The following POPDC1 variants were observed in gnomAD, a reference collection of about 807,000 sequenced individuals.
POPDC1 encodes the protein popeye domain-containing protein 1.
chr6:105,103,595 T>C, the POPDC1 span, among the ~76,000 whole-genome samples: 5 of 152,322 alleles, frequency 3.3e-5, no homozygotes, highest in Non-Finnish European at 5.9e-5. Context: ...AACAATAAGA[T>C]GGCATGTCTA....
At chr6:105,127,595 G>A in the POPDC1 span, among the ~76,000 whole-genome samples, 5 of 151,326 alleles carry the variant, frequency 3.3e-5, no homozygotes, top group South Asian at 2.1e-4. Flanking sequence ...GTGTGCTACC[G>A]CATCCAGCTG....
At chr6:105,103,751 C>T in the POPDC1 span, among the ~76,000 whole-genome samples, 2 of 152,202 alleles carry the variant, frequency 1.3e-5, no homozygotes, top group African/African-American at 2.4e-5. Context: ...CCAGGAAGGA[C>T]ATCCTACAGT....
the POPDC1 span, among the ~76,000 whole-genome samples, chr6:105,132,937 T>C: frequency 2.0e-5 from 3 of 152,234 alleles, no homozygotes; most frequent in Non-Finnish European, 4.4e-5. Flanking sequence ...CACATTTAAT[T>C]CACAACAACT....
the POPDC1 span, chr6:105,129,474 G>A: frequency 1.2e-6 from 2 of 1,612,412 alleles, no homozygotes; most frequent in Non-Finnish European, 1.7e-6. Context: ...CATCGGTAGA[G>A]AGTGGCCCAG....
the POPDC1 span, among the ~76,000 whole-genome samples, chr6:105,107,026 A>T: frequency 6.6e-6 from 1 of 152,138 alleles, no homozygotes; most frequent in Admixed American, 6.5e-5. Flanking sequence ...TTGTGCTAGC[A>T]AATACTAGGT....
At chr6:105,107,852 T>C in the POPDC1 span, among the ~76,000 whole-genome samples, 6,589 of 152,244 alleles carry the variant, frequency 0.043, 471 homozygotes, top group African/African-American at 0.15. Flanking sequence ...TTGCTTATTA[T>C]ATCCTAAGAT....
chr6:105,127,555 T>G, the POPDC1 span, among the ~76,000 whole-genome samples: 4 of 152,076 alleles, frequency 2.6e-5, no homozygotes, highest in South Asian at 4.2e-4. Context: ...TGGGTTCCAG[T>G]GATCCTCCCG....
At chr6:105,121,996 C>T in the POPDC1 span, among the ~76,000 whole-genome samples, 3 of 152,196 alleles carry the variant, frequency 2.0e-5, no homozygotes, top group South Asian at 6.2e-4. Context: ...GCGTCCTCTG[C>T]CACTGACACA....
At chr6:105,118,968 C>A in the POPDC1 span, among the ~76,000 whole-genome samples, 1 of 151,904 alleles carries the variant, frequency 6.6e-6, no homozygotes, top group East Asian at 1.9e-4. Flanking sequence ...CCGATCACTT[C>A]AGGCCAGGAG....
chr6:105,114,519 T>A, the POPDC1 span, among the ~76,000 whole-genome samples: 1 of 152,220 alleles, frequency 6.6e-6, no homozygotes, highest in Non-Finnish European at 1.5e-5. Flanking sequence ...AATTGTTGAA[T>A]GTGTTTGCAT....
At chr6:105,115,854 G>C in the POPDC1 span, 12 of 1,609,808 alleles carry the variant, frequency 7.5e-6, no homozygotes, top group Non-Finnish European at 1.0e-5. Flanking sequence ...TAAGCTTTCT[G>C]AGAATTATGG....
At chr6:105,116,286 C>T in the POPDC1 span, among the ~76,000 whole-genome samples, 1 of 152,208 alleles carries the variant, frequency 6.6e-6, no homozygotes. Context: ...TCTCCTTTCA[C>T]TTTCTCGCCT....
chr6:105,120,656 G>A, the POPDC1 span, among the ~76,000 whole-genome samples: 2 of 152,134 alleles, frequency 1.3e-5, no homozygotes, highest in Non-Finnish European at 1.5e-5. Flanking sequence ...ATTACCACAA[G>A]GTACTGGATC....
At chr6:105,136,466 G>A in the POPDC1 span, 3 of 152,406 alleles carry the variant, frequency 2.0e-5, no homozygotes, top group East Asian at 3.9e-4. Flanking sequence ...CCTACTCTCC[G>A]AGCGGGGACG....
chr6:105,112,656 AG>A, the POPDC1 span, among the ~76,000 whole-genome samples: 1 of 152,214 alleles, frequency 6.6e-6, no homozygotes, highest in African/African-American at 2.4e-5. Context: ...CTTGATCACA[AG>A]GAAGGAATCA....
the POPDC1 span, among the ~76,000 whole-genome samples, chr6:105,135,510 CA>C: frequency 6.6e-6 from 1 of 152,138 alleles, no homozygotes. Flanking sequence ...CGAGTTCACC[CA>C]ATTTCACCTG....
the POPDC1 span, chr6:105,136,386 C>T: frequency 6.6e-6 from 1 of 152,260 alleles, no homozygotes; most frequent in Non-Finnish European, 1.5e-5. Context: ...GGAGGAGGGT[C>T]CGTGGCAACG....
At chr6:105,112,750 T>C in the POPDC1 span, among the ~76,000 whole-genome samples, 1 of 152,172 alleles carries the variant, frequency 6.6e-6, no homozygotes, top group Non-Finnish European at 1.5e-5. Context: ...TCACCAACTC[T>C]AGGTGGACTC....
chr6:105,105,184 C>G, the POPDC1 span, among the ~76,000 whole-genome samples: 6 of 152,178 alleles, frequency 3.9e-5, no homozygotes, highest in Non-Finnish European at 8.8e-5. Flanking sequence ...TGCAATCCCC[C>G]CCCAACTCCC....
Sources: gnomAD v4.1 joint callset for allele counts (sites outside exome capture counted in the v4.1 genomes callset) on GRCh38, gnomAD v4.1.1 for gene constraint, MANE v1.5 for transcripts, NCBI Gene and HGNC (gene_info 2026-07-23, HGNC 2026-07-21) for gene names.